AKAP6: variants seen among roughly 807,000 people sequenced by gnomAD.
AKAP6 encodes A-kinase anchoring protein 6, also known as A-kinase anchor protein 6.
In AKAP6, 58 loss-of-function variants were observed where a neutral mutation model predicts 188.5. The ratio of observed to expected loss-of-function variants is 0.31; its 90% confidence interval spans 0.25 to 0.38. The LOEUF is 0.38. AKAP6 is among the 10% of genes least tolerant of loss of function. The pLI is 1.00. For missense variants in AKAP6, 2,710 were observed against 2,740.0 expected (o/e 0.99, Z 0.24); for synonymous variants, 989 against 998.6 (o/e 0.99, Z 0.18).
intron 4 of AKAP6, among the ~76,000 whole-genome samples, chr14:32,552,605 A>G (rs541294142): frequency 3.3e-5 from 5 of 152,250 alleles, no homozygotes; most frequent in African/African-American, 1.2e-4. Flanking sequence ...AACAGACTTA[A>G]TGAAGGAGTG....
At chr14:32,691,102 G>T (rs1890159972) in intron 8 of AKAP6, among the ~76,000 whole-genome samples, 2 of 152,090 alleles carry the variant, frequency 1.3e-5, no homozygotes, top group Non-Finnish European at 2.9e-5. Context: ...TATGAGGAAA[G>T]TCCCTCCAAA....
intron 2 of AKAP6, among the ~76,000 whole-genome samples, chr14:32,509,295 T>A (rs1881050410): frequency 6.6e-6 from 1 of 151,684 alleles, no homozygotes; most frequent in Non-Finnish European, 1.5e-5. Context: ...TGGCTAATTT[T>A]TTTTGTATTT....
At chr14:32,519,713 A>G (rs1218128317) in intron 2 of AKAP6, among the ~76,000 whole-genome samples, 3 of 152,200 alleles carry the variant, frequency 2.0e-5, no homozygotes, top group Non-Finnish European at 4.4e-5. Flanking sequence ...TTAGAGACCT[A>G]CAAAGAGACT....
At chr14:32,817,110 C>G (rs139658674) in intron 12 of AKAP6, among the ~76,000 whole-genome samples, 120 of 152,120 alleles carry the variant, frequency 7.9e-4, no homozygotes, top group African/African-American at 2.7e-3. Context: ...CTGTCGAGTT[C>G]CTTTATCTTT....
chr14:32,711,614 C>T (rs1891055540), intron 9 of AKAP6, among the ~76,000 whole-genome samples: 2 of 152,056 alleles, frequency 1.3e-5, no homozygotes, highest in Admixed American at 1.3e-4. Flanking sequence ...CTTGAAGCTT[C>T]CTCAGGAAAA....
chr14:32,599,241 A>G (rs775805779), intron 5 of AKAP6, among the ~76,000 whole-genome samples, 169 bp from the exon 6 acceptor site: 16 of 152,204 alleles, frequency 1.1e-4, no homozygotes, highest in Non-Finnish European at 2.2e-4. Context: ...TAATGGAAAC[A>G]TTTTGAGCCC....
At chr14:32,532,331 G>GCACTTATGGGAA (rs1467076342) in intron 2 of AKAP6, among the ~76,000 whole-genome samples, 2 of 152,122 alleles carry the variant, frequency 1.3e-5, no homozygotes, top group Non-Finnish European at 2.9e-5. Flanking sequence ...TTTCCCCTTA[G>GCACTTATGGGAA]GGGTCCATCT....
chr14:32,751,148 A>G (rs1183050942), intron 11 of AKAP6, among the ~76,000 whole-genome samples: 2 of 116,584 alleles, frequency 1.7e-5, no homozygotes, highest in Non-Finnish European at 4.1e-5. Flanking sequence ...TATTATTTTC[A>G]TTGCTGAACT....
intron 1 of AKAP6, among the ~76,000 whole-genome samples, chr14:32,371,077 A>G (rs939392150): frequency 2.0e-5 from 3 of 149,876 alleles, no homozygotes; most frequent in Non-Finnish European, 4.5e-5. Context: ...TGGCAAGAGA[A>G]CTTCAGAAAC....
chr14:32,522,288 C>G (rs1881880828), intron 2 of AKAP6, among the ~76,000 whole-genome samples: 1 of 152,220 alleles, frequency 6.6e-6, no homozygotes, highest in Non-Finnish European at 1.5e-5. Context: ...GCAAGTACTT[C>G]ATGACTGAAA....
chr14:32,748,488 C>T (rs1398742729), intron 11 of AKAP6, among the ~76,000 whole-genome samples: 1 of 152,132 alleles, frequency 6.6e-6, no homozygotes, highest in Admixed American at 6.5e-5. Context: ...AAGCATGAAA[C>T]TGTACTTTCA....
At chr14:32,431,282 A>G (rs1287797100) in intron 1 of AKAP6, among the ~76,000 whole-genome samples, 3 of 152,050 alleles carry the variant, frequency 2.0e-5, no homozygotes, top group Non-Finnish European at 4.4e-5. Context: ...TGTAAAACTG[A>G]ATGCAAGCAT....
chr14:32,406,287 G>A (rs967279745), intron 1 of AKAP6, among the ~76,000 whole-genome samples: 1 of 152,212 alleles, frequency 6.6e-6, no homozygotes, highest in African/African-American at 2.4e-5. Context: ...TTGGCTCACT[G>A]TAACCTCTGC....
At chr14:32,570,569 T>A (rs901160216) in intron 4 of AKAP6, among the ~76,000 whole-genome samples, 1 of 152,176 alleles carries the variant, frequency 6.6e-6, no homozygotes, top group East Asian at 1.9e-4. Flanking sequence ...AATGATTTTT[T>A]TTAAATAATC....
intron 1 of AKAP6, among the ~76,000 whole-genome samples, chr14:32,358,769 A>G (rs1887564330): frequency 1.3e-5 from 2 of 152,210 alleles, no homozygotes; most frequent in African/African-American, 4.8e-5. Context: ...AAGTCAGATT[A>G]AAAGATGCCT....
At chr14:32,525,433 A>G (rs1882071556) in intron 2 of AKAP6, among the ~76,000 whole-genome samples, 1 of 152,214 alleles carries the variant, frequency 6.6e-6, no homozygotes, top group Admixed American at 6.5e-5. Context: ...AGAACTTCTA[A>G]TTGGTCCTTT....
intron 2 of AKAP6, among the ~76,000 whole-genome samples, chr14:32,498,214 A>G (rs1188729762): frequency 6.6e-6 from 1 of 152,090 alleles, no homozygotes; most frequent in South Asian, 2.1e-4. Flanking sequence ...AACATTTAGC[A>G]TGAAATGAGC....
At chr14:32,721,128 G>T (rs994326010) in intron 9 of AKAP6, among the ~76,000 whole-genome samples, 3 of 152,060 alleles carry the variant, frequency 2.0e-5, no homozygotes, top group Non-Finnish European at 4.4e-5. Context: ...CCCTGATATG[G>T]TGCATCATAA....
In AKAP6 at chr14:32,822,621, A is replaced by C. The variant is rs763406097; in HGVS notation, c.4808A>C (p.Tyr1603Ser). 1.2e-5 allele frequency: 19 copies of C among 1,613,928 alleles called. No homozygotes were observed. Among genetic ancestry groups the C allele is most frequent in the Admixed American group, 1.7e-5 (1 of 59,944 alleles). Residue 1603 changes from tyrosine (Y) to serine (S), a missense_variant, in exon 13 of 14, where the codon TAT (tyrosine) becomes TCT (serine). By Grantham distance (144) the Tyr-to-Ser change is moderately radical. Around this residue, in one of 2 missense-constraint regions of AKAP6, gnomAD observed 2,473 missense variants for 2,426.1 expected, o/e 1.02. Transcript: ENST00000280979. ...STSLESWLTS[Y>S]KSNEDLFSCH... is the part of the protein sequence containing the mutation. ...TCTTTAGAAAGTTGGTTGACTTCCT[A>C]TAAAAGCAATGAAGATCTCTTTAGC... is the stretch of plus-strand genomic sequence containing the variant.
Sources: gnomAD v4.1 joint callset for allele counts (sites outside exome capture counted in the v4.1 genomes callset) on GRCh38, gnomAD v4.1.1 for gene constraint, gnomAD v4.1.1 regional missense constraint, MANE v1.5 for transcripts, NCBI Gene and HGNC (gene_info 2026-07-23, HGNC 2026-07-21) for gene names.